RRM2: variants seen among roughly 807,000 people sequenced by gnomAD.
RRM2 encodes the protein ribonucleoside-diphosphate reductase subunit M2.
Under a neutral mutation model 45.9 loss-of-function variants are expected in RRM2, and 6 were observed. The ratio of observed to expected loss-of-function variants is 0.13; its 90% CI spans 0.07 to 0.26. RRM2 has a LOEUF of 0.26. Among genes scored for constraint, RRM2 ranks in the 10% least tolerant of loss-of-function variants. The pLI is 1.00. For synonymous variants in RRM2, 177 were observed against 173.0 expected (o/e 1.02, Z -0.18); for missense variants, 343 against 489.5 (o/e 0.70, Z 2.82).
intron 3 of RRM2, among the ~76,000 whole-genome samples, chr2:10,190,328 G>T (rs1016684497): frequency 6.9e-6 from 1 of 144,914 alleles, no homozygotes; most frequent in African/African-American, 2.6e-5. Flanking sequence ...TGTGATGGTG[G>T]TGGTGATGAT....
At chr2:10,157,163 G>A (rs994702577) in intron 3 of RRM2, among the ~76,000 whole-genome samples, 2 of 151,830 alleles carry the variant, frequency 1.3e-5, no homozygotes, top group Non-Finnish European at 2.9e-5. Context: ...CGAGTAGCTG[G>A]GACTACAGGC....
At chr2:10,144,843 C>G (rs974947954) in intron 3 of RRM2, among the ~76,000 whole-genome samples, 1 of 152,112 alleles carries the variant, frequency 6.6e-6, no homozygotes, top group Non-Finnish European at 1.5e-5. Context: ...GCCAGCCCCT[C>G]GAGGGAAGTC....
chr2:10,164,896 G>A lies in RRM2; in HGVS notation n.482+22521G>A, dbSNP rs566750429. 2.0e-5 allele frequency among the ~76,000 whole-genome samples: 3 copies of A among 152,332 alleles called. No individual in the cohort carries two copies. In the South Asian group the frequency reaches 6.2e-4, roughly 32 times the overall value. ...AAGGCTGCCACTGGCTGCCATCACC[G>A]ACTGCGAGGGGTTCCTCATTCTCAG... On this transcript the variant is annotated intron_variant and non_coding_transcript_variant, in intron 3 of 3. Coordinates refer to the RRM2 transcript ENST00000381786.
intron 3 of RRM2, among the ~76,000 whole-genome samples, chr2:10,163,547 G>A (rs931189405): frequency 4.6e-5 from 7 of 152,132 alleles, no homozygotes; most frequent in Non-Finnish European, 2.9e-5. Flanking sequence ...GTTTCCCCGG[G>A]TCTGCAAAAT....
intron 3 of RRM2, among the ~76,000 whole-genome samples, chr2:10,170,784 C>A (rs886587869): frequency 2.0e-5 from 3 of 152,206 alleles, no homozygotes; most frequent in Non-Finnish European, 4.4e-5. Context: ...TCCATGGGGC[C>A]TGTGTCCCGC....
chr2:10,167,687 G>A (rs890681452), intron 3 of RRM2, among the ~76,000 whole-genome samples: 3 of 152,122 alleles, frequency 2.0e-5, no homozygotes, highest in South Asian at 2.1e-4. Context: ...GATCAGGGCC[G>A]ATGTCCCCAG....
intron 3 of RRM2, among the ~76,000 whole-genome samples, chr2:10,164,090 G>A (rs1187164248): frequency 1.4e-5 from 2 of 147,200 alleles, no homozygotes; most frequent in Non-Finnish European, 2.9e-5. Context: ...GTGCATATGA[G>A]TGTGTGTGTG....
intron 3 of RRM2, among the ~76,000 whole-genome samples, chr2:10,206,490 G>A (rs112468576): frequency 3.9e-4 from 60 of 152,262 alleles, no homozygotes; most frequent in African/African-American, 8.4e-4. Context: ...ATGAACAAGA[G>A]GTAGAATGCA....
intron 3 of RRM2, among the ~76,000 whole-genome samples, chr2:10,187,461 G>A (rs1411955275): frequency 1.3e-5 from 2 of 152,242 alleles, no homozygotes; most frequent in Non-Finnish European, 2.9e-5. Flanking sequence ...TGTGCAGTGA[G>A]AGAGGCTTTT....
At chr2:10,132,406 A>T (rs1288630827), downstream of RRM2, among the ~76,000 whole-genome samples, 1 of 152,032 alleles carries the variant, frequency 6.6e-6, no homozygotes, top group South Asian at 2.1e-4. Context: ...GAGAGGTCTC[A>T]TGGGGGGAGA....
chr2:10,162,077 A>G lies in RRM2; in HGVS notation n.482+19702A>G, dbSNP rs1572509792. Among the ~76,000 whole-genome samples, 3 of 152,172 alleles carry G rather than the reference A, an allele frequency of 2.0e-5. 1 individual carries two copies. In the South Asian group the frequency reaches 6.2e-4, roughly 31 times the overall value. On this transcript the variant is annotated intron_variant and non_coding_transcript_variant, in intron 3 of 3. Coordinates refer to the RRM2 transcript ENST00000381786. ...CCCTTCTGGCACCATCTGCTCCAGA[A>G]CCCACAGCTCCCATCCGCCGCTGCC...
exon 2 of RRM2, chr2:10,141,953 CG>C: frequency 6.4e-7 from 1 of 1,574,572 alleles, no homozygotes; most frequent in Non-Finnish European, 8.6e-7. Flanking sequence ...ACCCAGTGTG[CG>C]GTAAGTCAGA....
intron 2 of RRM2, chr2:10,142,018 C>T (rs1018659062): frequency 3.6e-5 from 57 of 1,579,130 alleles, no homozygotes; most frequent in Non-Finnish European, 4.4e-5. Context: ...GGGCTATGCC[C>T]CTTGCTCTTT....
intron 3 of RRM2, among the ~76,000 whole-genome samples, chr2:10,206,240 C>T (rs376990212): frequency 8.0e-6 from 1 of 125,204 alleles, no homozygotes; most frequent in Admixed American, 8.8e-5. Context: ...AGCAAGACTC[C>T]GTCTCAAAAA....
intron 3 of RRM2, among the ~76,000 whole-genome samples, chr2:10,150,727 C>T (rs1031811657): frequency 7.1e-6 from 1 of 140,762 alleles, no homozygotes; most frequent in Admixed American, 7.1e-5. Context: ...CCAGAGTTTA[C>T]ATTTTCTAGA....
At chr2:10,131,908 G>A (rs1391253817), downstream of RRM2, among the ~76,000 whole-genome samples, 2 of 152,152 alleles carry the variant, frequency 1.3e-5, no homozygotes, top group Non-Finnish European at 2.9e-5. Context: ...TTGTGAAGCC[G>A]GGGCTGAGTT....
intron 3 of RRM2, among the ~76,000 whole-genome samples, chr2:10,149,021 A>G (rs6715884): frequency 0.75 from 113,742 of 151,796 alleles, 43,923 homozygotes; most frequent in African/African-American, 0.92. Context: ...CTTTGAAGAT[A>G]CGATGTTTTT....
At position 10,169,709 on chromosome 2, in the gene RRM2, A is replaced by C. The variant is rs1452061533; in HGVS notation, n.482+27334A>C. ...CACAGCCCTGAGTGCTCATGCCATG[A>C]AAATGAGTGTCTCTGAGTTTGGAGA... On this transcript the variant is annotated intron_variant and non_coding_transcript_variant, in intron 3 of 3. Transcript: ENST00000381786. The surrounding 1 kb of genome is among the most constrained non-coding windows in gnomAD (Gnocchi z 5.1). Among the ~76,000 whole-genome samples the C allele has an allele frequency of 6.6e-6, 1 of 152,158 alleles. No individual in the cohort carries two copies. Among genetic ancestry groups the C allele is most frequent in the Non-Finnish European group, 1.5e-5 (1 of 68,016 alleles).
chr2:10,158,229 C>T (rs1243748731), intron 3 of RRM2, among the ~76,000 whole-genome samples: 1 of 152,154 alleles, frequency 6.6e-6, no homozygotes, highest in East Asian at 1.9e-4. Context: ...AAATGGGTGT[C>T]AGTAGAGCTC....
Sources: gnomAD v4.1 joint callset for allele counts (sites outside exome capture counted in the v4.1 genomes callset) on GRCh38, gnomAD v4.1.1 for gene constraint, Gnocchi (gnomAD v3.1) non-coding constraint, MANE v1.5 for transcripts, NCBI Gene and HGNC (gene_info 2026-07-23, HGNC 2026-07-21) for gene names.